The following MBD5 variants were observed in gnomAD, a reference collection of about 807,000 sequenced individuals.
MBD5 encodes the protein methyl-CpG binding domain protein 5, also known as methyl-CpG-binding domain protein 5.
Under a neutral mutation model 117.3 loss-of-function variants are expected in MBD5, and 13 were observed. The observed-to-expected ratio is 0.11, with a 90% confidence interval of 0.07 to 0.18. The LOEUF is 0.18. MBD5 is among the 10% of genes least tolerant of loss of function. The pLI, the probability that MBD5 is intolerant of heterozygous loss-of-function variation, is 1.00. For missense variants in MBD5, 1,879 were observed against 2,093.8 expected (o/e 0.90, Z 2.00); for synonymous variants, 727 against 766.4 (o/e 0.95, Z 0.85).
chr2:148,164,348 T>A (rs1411298937), intron 1 of MBD5, among the ~76,000 whole-genome samples: 1 of 152,018 alleles, frequency 6.6e-6, no homozygotes, highest in African/African-American at 2.4e-5. Flanking sequence ...GGATCCCTGT[T>A]GCACCAGGTG....
At chr2:148,400,317 G>T (rs1704879195) in intron 4 of MBD5, among the ~76,000 whole-genome samples, 1 of 151,900 alleles carries the variant, frequency 6.6e-6, no homozygotes, top group African/African-American at 2.4e-5. Context: ...GTTAAAGCAG[G>T]GTTAGCACCT....
At chr2:148,273,890 A>G (rs1051790372) in intron 3 of MBD5, among the ~76,000 whole-genome samples, 4 of 152,190 alleles carry the variant, frequency 2.6e-5, no homozygotes, top group African/African-American at 9.6e-5. Flanking sequence ...TGTGTCCCTT[A>G]TTGATATGGG....
At chr2:148,235,328 C>T (rs908885651) in intron 3 of MBD5, among the ~76,000 whole-genome samples, 1 of 152,148 alleles carries the variant, frequency 6.6e-6, no homozygotes, top group Non-Finnish European at 1.5e-5. Context: ...CCTTTCCTAA[C>T]TCATCCACAC....
At chr2:148,027,146 T>G (rs1451157663) in intron 1 of MBD5, 1 of 152,160 alleles carries the variant, frequency 6.6e-6, no homozygotes, top group East Asian at 1.9e-4. Context: ...GTCTTGTGCT[T>G]TGGTGTATGT....
At chr2:148,161,468 T>A (rs147455284) in intron 1 of MBD5, among the ~76,000 whole-genome samples, 20 of 152,272 alleles carry the variant, frequency 1.3e-4, no homozygotes, top group Non-Finnish European at 2.5e-4. Context: ...ATAAGAAAAA[T>A]CTTACTTAGA....
At chr2:148,043,013 AT>A (rs1024703022) in intron 1 of MBD5, among the ~76,000 whole-genome samples, 19 of 152,068 alleles carry the variant, frequency 1.2e-4, no homozygotes, top group Admixed American at 1.2e-3. Context: ...TTGTTTATGT[AT>A]TTCAGGGAGT....
chr2:148,127,956 G>A (rs953650682), intron 1 of MBD5, among the ~76,000 whole-genome samples: 2 of 152,076 alleles, frequency 1.3e-5, no homozygotes, highest in Admixed American at 1.3e-4. Flanking sequence ...TCTCATTGTT[G>A]TTTTAATTTG....
intron 2 of MBD5, among the ~76,000 whole-genome samples, chr2:148,184,343 G>C (rs758268566): frequency 6.6e-6 from 1 of 152,016 alleles, no homozygotes; most frequent in Non-Finnish European, 1.5e-5. Context: ...CTGTTATTCA[G>C]ATGTTAGCAC....
At chr2:148,346,881 T>TTTTAAAAAAAAAC (rs1703135861) in intron 4 of MBD5, 1 of 151,828 alleles carries the variant, frequency 6.6e-6, no homozygotes, top group African/African-American at 2.4e-5. Context: ...CTTGGCTTTA[T>TTTTAAAAAAAAAC]TTTAAAAAAA....
chr2:148,152,346 A>G (rs1697702141), intron 1 of MBD5, among the ~76,000 whole-genome samples: 1 of 151,926 alleles, frequency 6.6e-6, no homozygotes, highest in Non-Finnish European at 1.5e-5. Context: ...TGCTGAGGAG[A>G]GCTTTACTTC....
intron 3 of MBD5, among the ~76,000 whole-genome samples, chr2:148,273,217 T>G (rs1176383058): frequency 6.6e-6 from 1 of 152,172 alleles, no homozygotes. Flanking sequence ...TCGGTCAAAC[T>G]GTGCACTAAC....
chr2:148,330,136 A>C (rs1189032358), intron 3 of MBD5, among the ~76,000 whole-genome samples: 1 of 100,404 alleles, frequency 1.0e-5, no homozygotes, highest in Admixed American at 1.2e-4. Flanking sequence ...TAGGCCAAAA[A>C]AGGGTATGGT....
chr2:148,255,848 A>G (rs1234990937), intron 3 of MBD5, among the ~76,000 whole-genome samples: 1 of 152,216 alleles, frequency 6.6e-6, no homozygotes, highest in African/African-American at 2.4e-5. Context: ...GGCACACGGA[A>G]TCTCCACTTT....
intron 4 of MBD5, among the ~76,000 whole-genome samples, chr2:148,428,974 C>T (rs1705898192): frequency 6.6e-6 from 1 of 152,062 alleles, no homozygotes; most frequent in South Asian, 2.1e-4. Flanking sequence ...GCAATGGCAA[C>T]AAAAGCAAAA....
chr2:148,199,448 A>C (rs1396000453), intron 2 of MBD5, among the ~76,000 whole-genome samples: 1 of 152,190 alleles, frequency 6.6e-6, no homozygotes, highest in Non-Finnish European at 1.5e-5. Flanking sequence ...TAAATAAACA[A>C]ATAAAATGAA....
At chr2:148,497,993 A>G (rs940036866) in intron 11 of MBD5, among the ~76,000 whole-genome samples, 1 of 152,132 alleles carries the variant, frequency 6.6e-6, no homozygotes, top group African/African-American at 2.4e-5. Context: ...AAGCTCAGAG[A>G]AGTGGCATCC....
At chr2:148,447,236 G>GAAAGAAAGAAA (rs1559075780) in intron 4 of MBD5, among the ~76,000 whole-genome samples, 1 of 134,026 alleles carries the variant, frequency 7.5e-6, no homozygotes, top group African/African-American at 3.3e-5. Context: ...AGAAAGAAAG[G>GAAAGAAAGAAA]GAAAGGAGGG....
intron 2 of MBD5, among the ~76,000 whole-genome samples, chr2:148,189,448 C>G (rs1292067084): frequency 6.9e-6 from 1 of 145,352 alleles, no homozygotes; most frequent in African/African-American, 2.6e-5. Flanking sequence ...GTCCCTGACC[C>G]GTGACCCCCG....
At chr2:148,067,521 TTAAA>T (rs1369229575) in intron 1 of MBD5, among the ~76,000 whole-genome samples, 1 of 152,214 alleles carries the variant, frequency 6.6e-6, no homozygotes, top group East Asian at 1.9e-4. Context: ...GATGAATTAT[TTAAA>T]TAAAATAGTC....
Sources: allele counts gnomAD v4.1 joint callset (sites outside exome capture counted in the v4.1 genomes callset), GRCh38; gene constraint gnomAD v4.1.1; transcripts MANE v1.5; gene names NCBI Gene and HGNC (gene_info 2026-07-23, HGNC 2026-07-21).